PABPC4L: variants seen among roughly 807,000 people sequenced by gnomAD.
The protein encoded by PABPC4L is poly(A) binding protein cytoplasmic 4 like.
For missense variants in PABPC4L, 452 were observed against 451.4 expected (o/e 1.00, Z -0.01); for synonymous variants, 169 against 164.1 (o/e 1.03, Z -0.23).
At chr4:134,064,237 C>T in the PABPC4L span, among the ~76,000 whole-genome samples, 1 of 151,724 alleles carries the variant, frequency 6.6e-6, no homozygotes. Context: ...TAAGGGGAAA[C>T]CAGATGAATG....
At chr4:134,050,062 C>A in the PABPC4L span, among the ~76,000 whole-genome samples, 1 of 152,072 alleles carries the variant, frequency 6.6e-6, no homozygotes, top group South Asian at 2.1e-4. Flanking sequence ...AACTGATGTG[C>A]ACTCTTAAGA....
At chr4:134,147,275 AAATGTT>A in the PABPC4L span, among the ~76,000 whole-genome samples, 1 of 152,064 alleles carries the variant, frequency 6.6e-6, no homozygotes, top group Admixed American at 6.6e-5. Context: ...TTAATTTTTT[AAATGTT>A]ATAGAAATAA....
chr4:134,037,602 A>C, the PABPC4L span, among the ~76,000 whole-genome samples: 6 of 152,146 alleles, frequency 3.9e-5, no homozygotes, highest in African/African-American at 1.4e-4. Flanking sequence ...AAAAGTGAGC[A>C]AAAGAATAGG....
chr4:134,138,700 C>T, the PABPC4L span, among the ~76,000 whole-genome samples: 1 of 151,702 alleles, frequency 6.6e-6, no homozygotes, highest in Non-Finnish European at 1.5e-5. Context: ...CATTTAAACC[C>T]ATACATGTGT....
the PABPC4L span, among the ~76,000 whole-genome samples, chr4:133,956,734 A>G: frequency 6.6e-6 from 1 of 152,206 alleles, no homozygotes; most frequent in African/African-American, 2.4e-5. Context: ...ACAGTTCCAC[A>G]TGGCTTGGAA....
At chr4:134,142,091 G>A in the PABPC4L span, among the ~76,000 whole-genome samples, 1 of 151,646 alleles carries the variant, frequency 6.6e-6, no homozygotes, top group Non-Finnish European at 1.5e-5. Context: ...AGATGTAAAT[G>A]AGAAAAAAAT....
the PABPC4L span, among the ~76,000 whole-genome samples, chr4:134,139,446 A>G: frequency 6.6e-6 from 1 of 151,986 alleles, no homozygotes; most frequent in Admixed American, 6.6e-5. Context: ...CAAATGTGTC[A>G]ACCAGCTTAT....
the PABPC4L span, among the ~76,000 whole-genome samples, chr4:134,127,345 A>G: frequency 6.6e-6 from 1 of 152,038 alleles, no homozygotes; most frequent in Admixed American, 6.6e-5. Context: ...AGGACTACCA[A>G]CACAAAACCA....
At chr4:134,014,885 T>G in the PABPC4L span, among the ~76,000 whole-genome samples, 10 of 152,128 alleles carry the variant, frequency 6.6e-5, no homozygotes, top group South Asian at 2.1e-4. Context: ...TAGACAATAC[T>G]CTTTAATGCA....
the PABPC4L span, among the ~76,000 whole-genome samples, chr4:134,121,917 A>C: frequency 6.6e-6 from 1 of 151,910 alleles, no homozygotes; most frequent in Non-Finnish European, 1.5e-5. Context: ...ATGAAGAAAA[A>C]TGAAAGACAA....
chr4:133,985,499 A>G, the PABPC4L span, among the ~76,000 whole-genome samples: 1 of 152,034 alleles, frequency 6.6e-6, no homozygotes. Flanking sequence ...GAAGATTAAA[A>G]TATAGATATT....
chr4:134,105,329 C>T, the PABPC4L span, among the ~76,000 whole-genome samples: 1 of 151,574 alleles, frequency 6.6e-6, no homozygotes, highest in Admixed American at 6.6e-5. Context: ...AATTCTGAAA[C>T]TGATTTTGTT....
the PABPC4L span, among the ~76,000 whole-genome samples, chr4:134,137,493 G>T: frequency 1.3e-5 from 2 of 151,732 alleles, no homozygotes; most frequent in Admixed American, 1.3e-4. Context: ...TTTCAGGAAG[G>T]TCAAATACCG....
At chr4:134,066,950 G>T in the PABPC4L span, among the ~76,000 whole-genome samples, 2 of 151,990 alleles carry the variant, frequency 1.3e-5, no homozygotes, top group African/African-American at 4.8e-5. Flanking sequence ...CTAGTATTTT[G>T]TTGAGGATAT....
At chr4:134,134,853 A>G in the PABPC4L span, among the ~76,000 whole-genome samples, 1 of 151,896 alleles carries the variant, frequency 6.6e-6, no homozygotes, top group African/African-American at 2.4e-5. Flanking sequence ...AACTGGATTG[A>G]GAGTGAGCTG....
At chr4:133,961,161 C>T in the PABPC4L span, among the ~76,000 whole-genome samples, 1 of 152,130 alleles carries the variant, frequency 6.6e-6, no homozygotes, top group South Asian at 2.1e-4. Flanking sequence ...AAGTCCATTT[C>T]ACCCTCCTGC....
chr4:134,022,530 C>T, the PABPC4L span, among the ~76,000 whole-genome samples: 1 of 151,938 alleles, frequency 6.6e-6, no homozygotes, highest in Non-Finnish European at 1.5e-5. Flanking sequence ...TTACAAGACC[C>T]CTCTTTTATC....
the PABPC4L span, among the ~76,000 whole-genome samples, chr4:134,034,336 G>T: frequency 6.2e-4 from 94 of 151,880 alleles, no homozygotes; most frequent in African/African-American, 2.2e-3. Context: ...AGCTCTGACC[G>T]AGATGTACAA....
the PABPC4L span, among the ~76,000 whole-genome samples, chr4:133,966,682 T>C: frequency 5.3e-5 from 8 of 152,228 alleles, no homozygotes; most frequent in South Asian, 1.2e-3. Flanking sequence ...CTGGAGACTA[T>C]TATTCTAAGT....
Sources: allele counts gnomAD v4.1 joint callset (sites outside exome capture counted in the v4.1 genomes callset), GRCh38; gene constraint gnomAD v4.1.1; transcripts MANE v1.5; gene names NCBI Gene and HGNC (gene_info 2026-07-23, HGNC 2026-07-21).